Variants in LAMA2 observed in about 807,000 individuals in gnomAD.
LAMA2 encodes the protein laminin subunit alpha-2.
LAMA2 carries 269 observed loss-of-function variants against 364.8 expected under a neutral mutation model. The observed-to-expected ratio is 0.74, with a 90% confidence interval of 0.67 to 0.82. The LOEUF is 0.82. Ranked by LOEUF, LAMA2 falls within the 40% of genes least tolerant of loss-of-function variation. The probability of loss-of-function intolerance (pLI) is 0.00; values close to 1 mark genes in which losing one functional copy is unlikely to be tolerated. For missense variants in LAMA2, 3,807 were observed against 3,873.2 expected (o/e 0.98, Z 0.45); for synonymous variants, 1,379 against 1,370.6 (o/e 1.01, Z -0.14).
At chr6:129,034,908 A>G (rs1562172624) in intron 1 of LAMA2, among the ~76,000 whole-genome samples, 1 of 152,176 alleles carries the variant, frequency 6.6e-6, no homozygotes, top group Non-Finnish European at 1.5e-5. Context: ...GATTGAGTCC[A>G]TGACTTTGCT....
chr6:129,068,337 T>C (rs907205956), intron 3 of LAMA2, among the ~76,000 whole-genome samples: 10 of 152,220 alleles, frequency 6.6e-5, no homozygotes, highest in African/African-American at 2.2e-4. Flanking sequence ...AAGTACCAGA[T>C]GAGGTGGCTT....
intron 15 of LAMA2, among the ~76,000 whole-genome samples, chr6:129,262,426 G>C (rs1787198371): frequency 6.6e-6 from 1 of 151,956 alleles, no homozygotes. Flanking sequence ...GTGTCCTGGA[G>C]TGGAGAAATC....
chr6:128,963,627 C>T (rs1781670184), intron 1 of LAMA2, among the ~76,000 whole-genome samples: 1 of 152,142 alleles, frequency 6.6e-6, no homozygotes, highest in Non-Finnish European at 1.5e-5. Context: ...AAACACTCCA[C>T]TTGTCTGTTT....
intron 3 of LAMA2, among the ~76,000 whole-genome samples, chr6:129,066,708 C>T (rs1158060200): frequency 6.6e-6 from 1 of 152,136 alleles, no homozygotes; most frequent in Non-Finnish European, 1.5e-5. Context: ...AAACAGTATG[C>T]TGCTAACTTA....
At chr6:129,187,458 C>A (rs1044618123) in intron 10 of LAMA2, among the ~76,000 whole-genome samples, 1 of 151,730 alleles carries the variant, frequency 6.6e-6, no homozygotes, top group Non-Finnish European at 1.5e-5. Context: ...ATTTTATAGA[C>A]ATTTTACCTG....
chr6:128,970,461 C>T (rs9492166), intron 1 of LAMA2, among the ~76,000 whole-genome samples: 19,431 of 152,060 alleles, frequency 0.13, 1,570 homozygotes, highest in African/African-American at 0.23. Context: ...TTTACCAACA[C>T]CTTGTGGGTA....
At position 129,453,044 on chromosome 6, in the gene LAMA2, CA is replaced by C. The variant is rs886039482; in HGVS notation, c.6488del (p.Lys2163ArgfsTer12). The C allele has an allele frequency of 4.3e-6, 7 of 1,612,552 alleles. No homozygotes were observed. In the Middle Eastern group the frequency reaches 1.2e-3, roughly 267 times the overall value. ...GCATTCGAACATACAAACCAGAAATCAAGAAAGGAAGTTACAATAATATTGT... is the reference window on the plus strand; with the variant it reads ...GCATTCGAACATACAAACCAGAAATCAGAAAGGAAGTTACAATAATATTGT... ...DCIRTYKPEI[K>X]KGSYNNIVVN... On this transcript the variant is annotated frameshift_variant, in exon 46 of 65. Transcript: ENST00000421865. LOFTEE classifies it high-confidence loss of function.
At chr6:129,188,456 C>T (rs755399391) in intron 10 of LAMA2, among the ~76,000 whole-genome samples, 14 of 151,790 alleles carry the variant, frequency 9.2e-5, no homozygotes, top group Admixed American at 2.0e-4. Context: ...TTAGACCAAG[C>T]GCATAAGAAC....
intron 9 of LAMA2, 110 bp from the exon 10 acceptor site, chr6:129,177,596 A>G: frequency 9.1e-7 from 1 of 1,101,448 alleles, no homozygotes; most frequent in Non-Finnish European, 1.4e-6. Flanking sequence ...TATATAAAAA[A>G]TCTATTTTTG....
At chr6:129,508,125 G>GT (rs1403427307) in intron 62 of LAMA2, among the ~76,000 whole-genome samples, 1 of 152,126 alleles carries the variant, frequency 6.6e-6, no homozygotes. Context: ...TCTCCACTCC[G>GT]TTTCTAATGA....
intron 3 of LAMA2, among the ~76,000 whole-genome samples, chr6:129,088,484 C>A (rs953167624): frequency 6.8e-6 from 1 of 147,962 alleles, no homozygotes; most frequent in African/African-American, 2.5e-5. Context: ...TAGAGGCGCC[C>A]CCCACCTCCC....
intron 20 of LAMA2, among the ~76,000 whole-genome samples, chr6:129,292,163 G>A (rs970719145): frequency 6.6e-6 from 1 of 152,102 alleles, no homozygotes; most frequent in South Asian, 2.1e-4. Flanking sequence ...TGGCCAAGAT[G>A]GTGAAACACC....
intron 1 of LAMA2, among the ~76,000 whole-genome samples, chr6:128,937,809 A>C (rs533184717): frequency 1.3e-4 from 19 of 151,412 alleles, no homozygotes; most frequent in African/African-American, 4.4e-4. Context: ...AATATGTATT[A>C]TTCCCTTCCC....
intron 51 of LAMA2, among the ~76,000 whole-genome samples, chr6:129,466,792 G>A (rs1783566260): frequency 6.6e-6 from 1 of 151,870 alleles, no homozygotes; most frequent in African/African-American, 2.4e-5. Context: ...ATTATCAGTA[G>A]GGGCCAAGAG....
intron 34 of LAMA2, among the ~76,000 whole-genome samples, chr6:129,379,145 A>G (rs1223278081): frequency 1.3e-5 from 2 of 152,148 alleles, no homozygotes; most frequent in African/African-American, 4.8e-5. Flanking sequence ...TATAAATGGG[A>G]GTTAAATGAT....
chr6:129,468,476 T>A (rs1347515736), intron 51 of LAMA2, among the ~76,000 whole-genome samples: 1 of 151,928 alleles, frequency 6.6e-6, no homozygotes, highest in African/African-American at 2.4e-5. Flanking sequence ...GCAGGTCAGT[T>A]AATATGTATT....
chr6:129,228,554 C>A (rs936801676), intron 12 of LAMA2, among the ~76,000 whole-genome samples: 5 of 152,134 alleles, frequency 3.3e-5, no homozygotes, highest in Non-Finnish European at 4.4e-5. Context: ...TTGTTTATTT[C>A]ATTTCTCATA....
intron 1 of LAMA2, among the ~76,000 whole-genome samples, chr6:128,887,423 A>G (rs574614840): frequency 1.3e-5 from 2 of 152,180 alleles, no homozygotes; most frequent in African/African-American, 4.8e-5. Flanking sequence ...CATATTCAAC[A>G]CTGAATATTA....
At chr6:129,137,986 G>A (rs546206883) in intron 4 of LAMA2, among the ~76,000 whole-genome samples, 1 of 152,086 alleles carries the variant, frequency 6.6e-6, no homozygotes, top group Admixed American at 6.6e-5. Flanking sequence ...TGGGAGGATG[G>A]AATTGGCAAC....
Sources: allele counts gnomAD v4.1 joint callset (sites outside exome capture counted in the v4.1 genomes callset), GRCh38; gene constraint gnomAD v4.1.1; transcripts MANE v1.5; gene names NCBI Gene and HGNC (gene_info 2026-07-23, HGNC 2026-07-21).